The following CHST9 variants were observed in gnomAD, a reference collection of about 807,000 sequenced individuals.
CHST9 encodes carbohydrate sulfotransferase 9.
A neutral mutation model predicts 44.4 loss-of-function variants in CHST9; 41 were observed. That is an observed-to-expected ratio of 0.92 (90% CI 0.72 to 1.20). The LOEUF (loss-of-function observed/expected upper bound fraction) is 1.20. Among genes scored for constraint, CHST9 ranks in the 50% most tolerant of loss-of-function variants. CHST9 has a pLI of 0.00. For missense variants in CHST9, 504 were observed against 516.5 expected (o/e 0.98, Z 0.23); for synonymous variants, 171 against 178.4 (o/e 0.96, Z 0.33).
intron 4 of CHST9, among the ~76,000 whole-genome samples, chr18:26,963,203 T>C (rs1021978764): frequency 1.6e-4 from 25 of 152,182 alleles, no homozygotes; most frequent in Non-Finnish European, 1.2e-4. Context: ...TTCTTTCCAC[T>C]GTCTCAAACT....
intron 4 of CHST9, among the ~76,000 whole-genome samples, chr18:27,004,861 G>A (rs573400459): frequency 6.6e-6 from 1 of 152,204 alleles, no homozygotes; most frequent in African/African-American, 2.4e-5. Context: ...CAGTCCCTTA[G>A]AATAAAATCA....
At chr18:27,000,842 C>T (rs1037892428) in intron 4 of CHST9, among the ~76,000 whole-genome samples, 1 of 152,106 alleles carries the variant, frequency 6.6e-6, no homozygotes, top group African/African-American at 2.4e-5. Flanking sequence ...TTACAGATAC[C>T]CATGTGGGTT....
At chr18:26,944,553 T>G (rs373955648) in intron 4 of CHST9, among the ~76,000 whole-genome samples, 187 bp from the exon 5 acceptor site, 11 of 151,962 alleles carry the variant, frequency 7.2e-5, no homozygotes, top group African/African-American at 2.4e-4. Flanking sequence ...AAAACCTAAA[T>G]AAACTGTGTT....
At chr18:27,026,633 C>T (rs2057288166) in intron 3 of CHST9, among the ~76,000 whole-genome samples, 7 of 152,046 alleles carry the variant, frequency 4.6e-5, no homozygotes, top group Admixed American at 4.6e-4. Flanking sequence ...TGGGCTCAGT[C>T]CATACAATCA....
chr18:27,176,198 G>T (rs1431067822), intron 1 of CHST9, among the ~76,000 whole-genome samples: 1 of 151,986 alleles, frequency 6.6e-6, no homozygotes, highest in Non-Finnish European at 1.5e-5. Context: ...CTGAGTTTTG[G>T]TCTTTATCTT....
chr18:27,003,060 C>T (rs1457019212), intron 4 of CHST9, among the ~76,000 whole-genome samples: 1 of 151,928 alleles, frequency 6.6e-6, no homozygotes, highest in East Asian at 1.9e-4. Context: ...TTAACAGTAT[C>T]CTGAAAATAA....
intron 2 of CHST9, among the ~76,000 whole-genome samples, chr18:27,121,338 G>C (rs945130788): frequency 9.9e-5 from 15 of 152,178 alleles, no homozygotes; most frequent in African/African-American, 3.4e-4. Context: ...CTACATGCCT[G>C]TTTTGGTGTA....
At chr18:27,003,015 A>G (rs2056971747) in intron 4 of CHST9, among the ~76,000 whole-genome samples, 1 of 152,218 alleles carries the variant, frequency 6.6e-6, no homozygotes, top group Non-Finnish European at 1.5e-5. Context: ...TAGAAATCTT[A>G]TAATTTGACC....
At chr18:27,159,534 A>T (rs980735025) in intron 1 of CHST9, among the ~76,000 whole-genome samples, 3 of 152,198 alleles carry the variant, frequency 2.0e-5, no homozygotes, top group Non-Finnish European at 4.4e-5. Flanking sequence ...GTTTGAAGTC[A>T]GGTAGCGTGA....
rs74893726 is a variant in CHST9, at chr18:27,003,527, G to A, written c.202+20589C>T. On this transcript the variant is annotated intron_variant, in intron 4 of 5. Coordinates refer to ENST00000618847, the MANE Select transcript of CHST9 (RefSeq NM_031422.6). The stretch of plus-strand genomic sequence containing the variant: ...ACTGCAGGGTAATTTCCGCAGATAG[G>A]GTGTATAATATAGAAAGATTTTTTC... 6.1e-3 allele frequency among the ~76,000 whole-genome samples: 921 copies of A among 152,194 alleles called. 10 individuals are homozygous for A. Among genetic ancestry groups the A allele is most frequent in the African/African-American group, 0.021 (890 of 41,528 alleles).
rs999533970 is a variant in CHST9 at position 26,907,300 on chromosome 18, T to C, written c.*8959A>G. On this transcript the variant is annotated 3_prime_UTR_variant, in exon 6 of 6. Coordinates refer to ENST00000618847, the MANE Select transcript of CHST9 (RefSeq NM_031422.6). ...ACTTCTAGGTTCCTAACTCAGAAGA[T>C]GGAGTAGATGGATGGTGTTGCCACC... 6.6e-6 allele frequency: 1 copy of C among 152,414 alleles called. No individual in the cohort carries two copies. The highest frequency in any genetic ancestry group is 1.5e-5 in the Non-Finnish European group (1 of 68,066). The allele number at this position is 152,414 out of a possible 1,614,324, so 9.4% of individuals were successfully genotyped here. A position where few individuals can be genotyped will look rare whatever the true frequency, so the allele number is the denominator to read the frequency against.
chr18:27,183,047 A>G (rs8093478), intron 1 of CHST9, among the ~76,000 whole-genome samples: 2,608 of 151,858 alleles, frequency 0.017, 81 homozygotes, highest in African/African-American at 0.056. Context: ...CCAGGAAGAA[A>G]GGAAAAGAAG....
At chr18:26,935,957 C>T (rs893464113) in intron 5 of CHST9, 1 of 152,126 alleles carries the variant, frequency 6.6e-6, no homozygotes, top group African/African-American at 2.4e-5. Context: ...AAAAGGAATG[C>T]CTAGTGACTT....
chr18:26,946,736 T>C (rs2056168959), intron 4 of CHST9, among the ~76,000 whole-genome samples: 1 of 152,214 alleles, frequency 6.6e-6, no homozygotes. Context: ...TTTCTGCATA[T>C]GGCTAGCCAG....
chr18:26,981,822 T>C (rs1056337771), intron 4 of CHST9, among the ~76,000 whole-genome samples: 10 of 152,222 alleles, frequency 6.6e-5, no homozygotes, highest in African/African-American at 2.4e-4. Context: ...GCAAATTTAG[T>C]GGGTTGAGTC....
At chr18:27,171,292 A>G (rs975753760) in intron 1 of CHST9, among the ~76,000 whole-genome samples, 3 of 152,216 alleles carry the variant, frequency 2.0e-5, no homozygotes. Context: ...AAGGGTGGGC[A>G]TGGGGAGGAC....
rs189780365 is a variant in CHST9, at chr18:27,172,400, C to T, written c.-97+12736G>A. ...TGAAATTCTTAGTGGTATGAGTGTC[C>T]TTTGTCTTACCACTGATATAAATAT... On this transcript the variant is annotated intron_variant, in intron 1 of 5. Transcript: ENST00000618847. Among the ~76,000 whole-genome samples, 14 of 151,962 alleles carry T rather than the reference C, an allele frequency of 9.2e-5. No homozygotes were observed. In the East Asian group the frequency reaches 2.5e-3, roughly 27 times the overall value.
At chr18:27,069,950 G>A (rs1383746665) in intron 2 of CHST9, among the ~76,000 whole-genome samples, 1 of 152,142 alleles carries the variant, frequency 6.6e-6, no homozygotes, top group Non-Finnish European at 1.5e-5. Flanking sequence ...AATAATGCAG[G>A]AGAACATGGG....
At chr18:26,988,653 A>T (rs891106717) in intron 4 of CHST9, among the ~76,000 whole-genome samples, 8 of 152,220 alleles carry the variant, frequency 5.3e-5, no homozygotes, top group African/African-American at 2.4e-5. Flanking sequence ...GATACTCATC[A>T]AGGCTATAAT....
Sources: gnomAD v4.1 joint callset for allele counts (sites outside exome capture counted in the v4.1 genomes callset) on GRCh38, gnomAD v4.1.1 for gene constraint, MANE v1.5 for transcripts, NCBI Gene and HGNC (gene_info 2026-07-23, HGNC 2026-07-21) for gene names.